The following ANK3 variants were observed in gnomAD, a reference collection of about 807,000 sequenced individuals.
ANK3 encodes ankyrin 3.
Under a neutral mutation model 370.9 loss-of-function variants are expected in ANK3, and 57 were observed. The ratio of observed to expected loss-of-function variants is 0.15; its 90% confidence interval spans 0.12 to 0.19. The LOEUF (loss-of-function observed/expected upper bound fraction) is 0.19. Among genes scored for constraint, ANK3 ranks in the 10% least tolerant of loss-of-function variants. ANK3 has a pLI of 1.00. For missense variants in ANK3, 4,439 were observed against 5,302.1 expected (o/e 0.84, Z 5.06); for synonymous variants, 1,929 against 1,946.3 (o/e 0.99, Z 0.23).
intron 2 of ANK3, among the ~76,000 whole-genome samples, chr10:60,606,192 A>G (rs2078126068): frequency 2.6e-5 from 4 of 152,182 alleles, no homozygotes; most frequent in African/African-American, 7.2e-5. Context: ...CTGATTTTTA[A>G]AAATGATGCA....
At chr10:60,163,126 T>A (rs2095539404) in intron 23 of ANK3, among the ~76,000 whole-genome samples, 1 of 151,852 alleles carries the variant, frequency 6.6e-6, no homozygotes, top group African/African-American at 2.4e-5. Flanking sequence ...CTTCCTTCCT[T>A]CTCTCTTCTT....
At chr10:60,562,803 T>C (rs2077369795) in intron 2 of ANK3, among the ~76,000 whole-genome samples, 1 of 152,138 alleles carries the variant, frequency 6.6e-6, no homozygotes, top group Non-Finnish European at 1.5e-5. Flanking sequence ...AAAATTAAAG[T>C]GCATAAAAGT....
At chr10:60,517,672 C>T (rs1421210891) in intron 2 of ANK3, among the ~76,000 whole-genome samples, 2 of 152,050 alleles carry the variant, frequency 1.3e-5, no homozygotes, top group Non-Finnish European at 2.9e-5. Flanking sequence ...GTTGTGGGGA[C>T]TCACACAAGA....
At chr10:60,378,701 C>T (rs2061144760) in intron 1 of ANK3, among the ~76,000 whole-genome samples, 1 of 151,952 alleles carries the variant, frequency 6.6e-6, no homozygotes, top group Non-Finnish European at 1.5e-5. Context: ...TAAAAATCAG[C>T]TGAAAAGGAA....
intron 23 of ANK3, chr10:60,145,908 C>T (rs1486076123): frequency 1.4e-6 from 1 of 702,654 alleles, no homozygotes; most frequent in Non-Finnish European, 2.6e-6. Context: ...AATGAAAGAG[C>T]AGTGATTGCC....
At chr10:60,217,860 A>G (rs1232446395) in intron 8 of ANK3, among the ~76,000 whole-genome samples, 1 of 152,196 alleles carries the variant, frequency 6.6e-6, no homozygotes, top group Non-Finnish European at 1.5e-5. Flanking sequence ...GGGATGTTAA[A>G]GTCTCCCACT....
intron 1 of ANK3, among the ~76,000 whole-genome samples, chr10:60,328,997 G>A (rs931137528): frequency 2.6e-4 from 40 of 152,236 alleles, no homozygotes; most frequent in Middle Eastern, 3.4e-3. Flanking sequence ...ATCAATAAAC[G>A]TAATCCATCA....
At chr10:60,338,378 C>T (rs2053502958) in intron 1 of ANK3, among the ~76,000 whole-genome samples, 1 of 152,152 alleles carries the variant, frequency 6.6e-6, no homozygotes, top group East Asian at 1.9e-4. Flanking sequence ...GGTTCTGATT[C>T]AATACACCTG....
At chr10:60,642,635 G>GT (rs2078650585) in intron 1 of ANK3, among the ~76,000 whole-genome samples, 1 of 93,568 alleles carries the variant, frequency 1.1e-5, no homozygotes, top group African/African-American at 3.7e-5. Flanking sequence ...ACTGTTGTGG[G>GT]GTGGGGGGGC....
chr10:60,509,164 A>G (rs2076015897), intron 2 of ANK3, among the ~76,000 whole-genome samples: 1 of 152,134 alleles, frequency 6.6e-6, no homozygotes, highest in South Asian at 2.1e-4. Flanking sequence ...GCACATCCTC[A>G]AAAGTATATT....
upstream of ANK3, among the ~76,000 whole-genome samples, chr10:60,391,403 A>C (rs770838670): frequency 6.6e-6 from 1 of 152,250 alleles, no homozygotes; most frequent in Non-Finnish European, 1.5e-5. Flanking sequence ...AGCAGATGAA[A>C]GGTATTTGGG....
At chr10:60,093,913 T>C (rs1279585636) in intron 28 of ANK3, among the ~76,000 whole-genome samples, 1 of 152,208 alleles carries the variant, frequency 6.6e-6, no homozygotes, top group Non-Finnish European at 1.5e-5. Context: ...CTCTGTGTTG[T>C]GTTCATTTTT....
intron 1 of ANK3, among the ~76,000 whole-genome samples, chr10:60,725,772 A>C (rs1399631969): frequency 6.6e-6 from 1 of 152,166 alleles, no homozygotes; most frequent in Non-Finnish European, 1.5e-5. Context: ...TCTTATAATG[A>C]AAGTTTCTAA....
chr10:60,260,783 C>G, intron 7 of ANK3, among the ~76,000 whole-genome samples: 1 of 152,136 alleles, frequency 6.6e-6, no homozygotes, highest in East Asian at 1.9e-4. Flanking sequence ...TGCTTCGCCT[C>G]CTGCCATTAT....
intron 2 of ANK3, among the ~76,000 whole-genome samples, chr10:60,410,376 G>A (rs145609706): frequency 2.0e-5 from 3 of 152,256 alleles, no homozygotes; most frequent in African/African-American, 7.2e-5. Context: ...TGGGGGGAAG[G>A]GGCAACGTCT....
At chr10:60,103,248 G>C (rs1025845474) in intron 28 of ANK3, among the ~76,000 whole-genome samples, 1 of 148,920 alleles carries the variant, frequency 6.7e-6, no homozygotes, top group Admixed American at 6.8e-5. Flanking sequence ...CACTGCACCC[G>C]GCCTATTTGT....
At chr10:60,252,583 C>T (rs755137118) in intron 7 of ANK3, among the ~76,000 whole-genome samples, 6 of 152,072 alleles carry the variant, frequency 3.9e-5, no homozygotes, top group South Asian at 2.1e-4. Context: ...GCACCCCAGG[C>T]GGCAGGGCAC....
chr10:60,128,895 T>C, intron 25 of ANK3, among the ~76,000 whole-genome samples: 1 of 152,344 alleles, frequency 6.6e-6, no homozygotes, highest in East Asian at 1.9e-4. Flanking sequence ...ATGAGCACTG[T>C]CTAATCTGGA....
chr10:60,463,889 G>A (rs2064950824), intron 2 of ANK3, among the ~76,000 whole-genome samples: 1 of 151,974 alleles, frequency 6.6e-6, no homozygotes, highest in South Asian at 2.1e-4. Flanking sequence ...GCTCCAAGGG[G>A]AATGATGGCT....
Sources: gnomAD v4.1 joint callset for allele counts (sites outside exome capture counted in the v4.1 genomes callset) on GRCh38, gnomAD v4.1.1 for gene constraint, MANE v1.5 for transcripts, NCBI Gene and HGNC (gene_info 2026-07-23, HGNC 2026-07-21) for gene names.